Variants in ERBIN observed in about 807,000 individuals in gnomAD.
ERBIN encodes the protein erbb2 interacting protein.
A neutral mutation model predicts 158.4 loss-of-function variants in ERBIN; 60 were observed. The ratio of observed to expected loss-of-function variants is 0.38; its 90% confidence interval spans 0.31 to 0.47. The LOEUF is 0.47. Among genes scored for constraint, ERBIN ranks in the 20% least tolerant of loss-of-function variants. The pLI is 0.99. For synonymous variants in ERBIN, 594 were observed against 557.2 expected, an observed-to-expected ratio of 1.07 and a Z score of -0.93; for missense variants, 1,610 against 1,648.0, an observed-to-expected ratio of 0.98 and a Z score of 0.40.
At chr5:66,017,863 A>T (rs148825153) in intron 7 of ERBIN, among the ~76,000 whole-genome samples, 16 of 152,276 alleles carry the variant, frequency 1.1e-4, no homozygotes, top group African/African-American at 3.4e-4. Context: ...ATTTGTGTGT[A>T]TGGTGAGAGA....
At chr5:66,009,566 G>T (rs1208864837) in intron 4 of ERBIN, among the ~76,000 whole-genome samples, 1 of 152,140 alleles carries the variant, frequency 6.6e-6, no homozygotes, top group African/African-American at 2.4e-5. Flanking sequence ...GAACTCTTTG[G>T]AGAGTTAAAT....
intron 7 of ERBIN, among the ~76,000 whole-genome samples, chr5:66,020,727 G>A (rs779364478): frequency 5.9e-5 from 9 of 151,972 alleles, no homozygotes; most frequent in Non-Finnish European, 1.0e-4. Flanking sequence ...AAGTGTTGAT[G>A]TTAAGTTGGA....
chr5:66,068,051 G>T (rs11952032), intron 21 of ERBIN, among the ~76,000 whole-genome samples: 1 of 152,046 alleles, frequency 6.6e-6, no homozygotes, highest in Non-Finnish European at 1.5e-5. Flanking sequence ...AATGTGGTCC[G>T]GCACAGTGGC....
chr5:65,993,695 C>T (rs1476345310), intron 3 of ERBIN, among the ~76,000 whole-genome samples: 1 of 152,000 alleles, frequency 6.6e-6, no homozygotes, highest in African/African-American at 2.4e-5. Context: ...CTCATAAAAT[C>T]AATTCAGTAT....
intron 22 of ERBIN, 133 bp from the exon 23 acceptor site, chr5:66,074,891 A>G: frequency 1.4e-6 from 1 of 693,672 alleles, no homozygotes; most frequent in African/African-American, 1.8e-5. Flanking sequence ...AAAAATAGTA[A>G]GTGGCATGGT....
rs1260475923 is a variant in ERBIN at position 65,930,208 on chromosome 5, TATCTGATCTTATTTTA to T, written c.-58+3403_-58+3418del. On this transcript the variant is annotated intron_variant, in intron 1 of 25. Coordinates refer to ENST00000284037, the MANE Select transcript of ERBIN (RefSeq NM_001253697.2). ...TTCAAAACATGCAGTGGAAAAAGTTTATCTGATCTTATTTTATTAGCCCATTTAATTCTGAATATCC... is the reference window on the plus strand; with the variant it reads ...TTCAAAACATGCAGTGGAAAAAGTTTTTAGCCCATTTAATTCTGAATATCC... Among the ~76,000 whole-genome samples the T allele has an allele frequency of 1.1e-4, 16 of 152,260 alleles. 1 individual carries two copies. The highest frequency in any genetic ancestry group is 9.2e-4 in the Admixed American group (14 of 15,292).
At chr5:66,076,484 A>G in intron 24 of ERBIN, 76 bp downstream of exon 24, 1 of 1,091,322 alleles carries the variant, frequency 9.2e-7, no homozygotes, top group Non-Finnish European at 1.4e-6. Flanking sequence ...GTAAGTGAAA[A>G]TCTAATAGAT....
At chr5:65,974,590 C>G (rs925126426) in intron 1 of ERBIN, among the ~76,000 whole-genome samples, 4 of 152,232 alleles carry the variant, frequency 2.6e-5, no homozygotes, top group Admixed American at 6.5e-5. Context: ...CCATCCCCAT[C>G]TTAACTCTTC....
chr5:66,075,315 C>T lies in ERBIN; in HGVS notation c.3963+85C>T, dbSNP rs1761887155. 5 of 1,105,604 alleles carry T rather than the reference C, an allele frequency of 4.5e-6. No homozygotes were observed. The South Asian group carries it at 6.8e-5, about 15-fold the overall frequency. 68.5% of individuals were successfully genotyped at this position (1,105,604 alleles called of 1,614,324 possible). A position where few individuals can be genotyped will look rare whatever the true frequency, so the allele number is the denominator to read the frequency against. On this transcript the variant is annotated intron_variant, in intron 23 of 25. Transcript: ENST00000284037. ...TTACTTAATTATTAGTAAATCCATA[C>T]AGAATATTAACGTAGTTATTACCAT...
intron 1 of ERBIN, among the ~76,000 whole-genome samples, chr5:65,940,932 A>G (rs1209338736): frequency 2.6e-5 from 4 of 152,022 alleles, no homozygotes; most frequent in Non-Finnish European, 5.9e-5. Flanking sequence ...CTGTGTAGAA[A>G]GAGGTAGACA....
intron 22 of ERBIN, among the ~76,000 whole-genome samples, chr5:66,073,420 T>A (rs943715900): frequency 6.6e-6 from 1 of 152,188 alleles, no homozygotes; most frequent in Admixed American, 6.5e-5. Flanking sequence ...TCCAGAAATG[T>A]AGGGCTAATA....
In ERBIN at chr5:66,079,840, A is replaced by C. The variant is rs1762304086; in HGVS notation, c.*1310A>C. 6.6e-6 allele frequency: 1 copy of C among 152,326 alleles called. No individual in the cohort carries two copies. Among genetic ancestry groups the C allele is most frequent in the Admixed American group, 6.5e-5 (1 of 15,288 alleles). The allele number at this position is 152,326 out of a possible 1,614,324, so 9.4% of individuals were successfully genotyped here. On this transcript the variant is annotated 3_prime_UTR_variant, in exon 26 of 26. Transcript: ENST00000284037. ...CAACTGCCTTTCTTTGTTCCTAGTT[A>C]CTGTAACAAATATTTGATGATAGAG...
rs189320569 is a variant in ERBIN at position 66,001,363 on chromosome 5, C to T, written c.307+6499C>T. On this transcript the variant is annotated intron_variant, in intron 4 of 25. Coordinates refer to ENST00000284037, the MANE Select transcript of ERBIN (RefSeq NM_001253697.2). Reference sequence around the variant, plus strand: ...TTGGAAGGAGGCAGGAAATTTGTGGCATACTTTGTTATTCATCATATCATC... The same window carrying T: ...TTGGAAGGAGGCAGGAAATTTGTGGTATACTTTGTTATTCATCATATCATC... Among the ~76,000 whole-genome samples, 8 of 152,214 alleles carry T rather than the reference C, an allele frequency of 5.3e-5. No individual in the cohort carries two copies. The East Asian group carries it at 1.5e-3, about 29-fold the overall frequency.
intron 14 of ERBIN, among the ~76,000 whole-genome samples, chr5:66,036,326 C>T (rs1466800127): frequency 6.6e-6 from 1 of 152,092 alleles, no homozygotes; most frequent in African/African-American, 2.4e-5. Flanking sequence ...TTCATTGTTT[C>T]TTTTTTCTTT....
At chr5:66,046,052 G>A (rs1292821995) in intron 17 of ERBIN, among the ~76,000 whole-genome samples, 1 of 152,076 alleles carries the variant, frequency 6.6e-6, no homozygotes, top group Admixed American at 6.5e-5. Flanking sequence ...ACCATCCGGA[G>A]TTGAGTTTGC....
At chr5:66,026,528 C>T in intron 13 of ERBIN, 111 bp downstream of exon 13, 1 of 476,784 alleles carries the variant, frequency 2.1e-6, no homozygotes, top group Non-Finnish European at 3.6e-6. Context: ...TTTAAATATA[C>T]ATAGTAAGTT....
chr5:66,026,508 C>A, intron 13 of ERBIN, 91 bp downstream of exon 13: 1 of 554,518 alleles, frequency 1.8e-6, no homozygotes. Flanking sequence ...ATAGCTAGTG[C>A]TTGTTGCTCT....
At chr5:66,050,265 G>T (rs1758891701) in intron 19 of ERBIN, among the ~76,000 whole-genome samples, 2 of 1,434 alleles carry the variant, frequency 1.4e-3, no homozygotes, top group South Asian at 0.036. Context: ...TTTTTTTTGA[G>T]ACGGAGTCTC....
intron 1 of ERBIN, among the ~76,000 whole-genome samples, chr5:65,985,712 G>A (rs1434943488): frequency 1.3e-5 from 2 of 151,880 alleles, no homozygotes; most frequent in Non-Finnish European, 2.9e-5. Flanking sequence ...ATTCATATTC[G>A]GGTCCGGCAA....
Sources: gnomAD v4.1 joint callset for allele counts (sites outside exome capture counted in the v4.1 genomes callset) on GRCh38, gnomAD v4.1.1 for gene constraint, MANE v1.5 for transcripts, NCBI Gene and HGNC (gene_info 2026-07-23, HGNC 2026-07-21) for gene names.